Variants in USP37 observed in about 807,000 individuals in gnomAD.
USP37 encodes ubiquitin specific peptidase 37, also known as ubiquitin carboxyl-terminal hydrolase 37.
A neutral mutation model predicts 124.0 loss-of-function variants in USP37; 27 were observed. The ratio of observed to expected loss-of-function variants is 0.22; its 90% CI spans 0.16 to 0.30. The LOEUF is 0.30. USP37 is among the 10% of genes least tolerant of loss of function. The probability of loss-of-function intolerance (pLI) is 1.00; values close to 1 mark genes in which losing one functional copy is unlikely to be tolerated. For synonymous variants in USP37, 365 were observed against 388.0 expected (o/e 0.94, Z 0.70); for missense variants, 889 against 1,140.4 (o/e 0.78, Z 3.17).
At position 218,556,503 on chromosome 2, in the gene USP37, G is replaced by GTTTTTTTTTTTT. The variant is rs34907421; in HGVS notation, c.156+1983_156+1994dup. On this transcript the variant is annotated intron_variant, in intron 4 of 25. Transcript: ENST00000258399. ...GTATTTGGTTACTCTGGGTTTTTCT[G>GTTTTTTTTTTTT]TTTTTTTTTTTTTTTTTTTTTTTTT... is the stretch of plus-strand genomic sequence containing the variant. Among the ~76,000 whole-genome samples, 18 of 53,816 alleles carry GTTTTTTTTTTTT rather than the reference G, an allele frequency of 3.3e-4. 4 individuals carry two copies. Among genetic ancestry groups the GTTTTTTTTTTTT allele is most frequent in the East Asian group, 1.4e-3 (2 of 1,386 alleles). The allele number at this position is 53,816 out of a possible 152,430, so 35.3% of individuals were successfully genotyped here.
At chr2:218,455,168 TTTGA>T in intron 25 of USP37, 151 bp from the exon 26 acceptor site, 3 of 959,274 alleles carry the variant, frequency 3.1e-6, no homozygotes. Context: ...AGCTCACTCA[TTTGA>T]TCTTAACCCT....
chr2:218,451,231 T>A lies in USP37; in HGVS notation c.*3699A>T, dbSNP rs1689469339. On this transcript the variant is annotated 3_prime_UTR_variant, in exon 26 of 26. Coordinates refer to ENST00000258399, the MANE Select transcript of USP37 (RefSeq NM_020935.3). ...AAGCAAAATGGGGAGGAAAAAGACA[T>A]CCATCCATTTTATTGGAACACTTTT... 1 of 152,156 alleles carries A rather than the reference T, an allele frequency of 6.6e-6. No homozygotes were observed. The highest frequency in any genetic ancestry group is 2.1e-4 in the South Asian group (1 of 4,830). 9.4% of individuals were successfully genotyped at this position (152,156 alleles called of 1,614,324 possible).
intron 10 of USP37, among the ~76,000 whole-genome samples, chr2:218,529,343 A>C (rs1691172771): frequency 6.6e-6 from 1 of 152,174 alleles, no homozygotes. Context: ...CTGTCTCTAC[A>C]AAAATTAGCG....
intron 20 of USP37, among the ~76,000 whole-genome samples, chr2:218,467,709 C>G (rs992724472): frequency 6.6e-6 from 1 of 152,092 alleles, no homozygotes; most frequent in Non-Finnish European, 1.5e-5. Context: ...GTCTTGAACT[C>G]CTGACCTCAG....
intron 1 of USP37, among the ~76,000 whole-genome samples, chr2:218,563,707 G>A (rs943847503): frequency 6.6e-6 from 1 of 152,036 alleles, no homozygotes; most frequent in African/African-American, 2.4e-5. Context: ...CACTTTCAAG[G>A]CACCCTGGTA....
chr2:218,534,642 T>G lies in USP37; in HGVS notation c.745A>C (p.Ser249Arg), dbSNP rs376971451. Residue 249 changes from serine to arginine, a missense_variant, in exon 9 of 26, where the codon AGT (serine) becomes CGT (arginine). Physicochemically the swap from Ser to Arg is moderately radical, Grantham distance 110. Transcript: ENST00000258399. ...YLTSSREKQL[S>R]LKQSEENRTS... ...CTATTCTCTTCTGACTGTTTCAAAC[T>G]CAGCTGCTTTTCTCTACTGCTGGTT... 7.5e-6 allele frequency: 12 copies of G among 1,610,660 alleles called. No individual in the cohort carries two copies. The highest frequency in any genetic ancestry group is 2.7e-5 in the African/African-American group (2 of 74,996).
chr2:218,479,153 A>G (rs1691120183), intron 18 of USP37, among the ~76,000 whole-genome samples: 1 of 152,226 alleles, frequency 6.6e-6, no homozygotes, highest in Non-Finnish European at 1.5e-5. Flanking sequence ...CTTAAACAAA[A>G]AAATAGGGCA....
intron 22 of USP37, among the ~76,000 whole-genome samples, chr2:218,462,863 AC>A (rs1350306787): frequency 1.3e-5 from 2 of 152,062 alleles, no homozygotes; most frequent in African/African-American, 4.8e-5. Context: ...CTATTTCTTT[AC>A]CTGGGAGGTA....
At position 218,509,869 on chromosome 2, in the gene USP37, CT is replaced by C. The variant is rs1338629701; in HGVS notation, c.1025+109del. On this transcript the variant is annotated intron_variant, in intron 11 of 25. Transcript: ENST00000258399. The stretch of plus-strand genomic sequence containing the variant: ...AAATCTTTAATAAGTGATCTAATTT[CT>C]AAATATTTTAGAACTTTAATGTGAC... 4.7e-6 allele frequency: 5 copies of C among 1,065,428 alleles called. No individual in the cohort carries two copies. The East Asian group carries it at 1.4e-4, about 31-fold the overall frequency. The allele number at this position is 1,065,428 out of a possible 1,614,324, so 66.0% of individuals were successfully genotyped here.
intron 4 of USP37, among the ~76,000 whole-genome samples, chr2:218,554,746 C>A (rs1473879275): frequency 3.7e-3 from 454 of 121,506 alleles, no homozygotes; most frequent in Middle Eastern, 0.012. Context: ...AACTTTGTCT[C>A]AAAAAAAAAA....
chr2:218,481,926 T>C, intron 17 of USP37, 144 bp downstream of exon 17: 1 of 971,622 alleles, frequency 1.0e-6, no homozygotes, highest in African/African-American at 1.7e-5. Context: ...AGTGCTGGGA[T>C]TACAGGCATG....
intron 24 of USP37, among the ~76,000 whole-genome samples, chr2:218,456,268 G>A (rs1438875391): frequency 6.6e-6 from 1 of 151,974 alleles, no homozygotes; most frequent in African/African-American, 2.4e-5. Context: ...GGGCAACAAA[G>A]CAAGAACCCG....
intron 10 of USP37, among the ~76,000 whole-genome samples, chr2:218,519,868 G>T (rs571947594): frequency 6.6e-6 from 1 of 151,528 alleles, no homozygotes; most frequent in East Asian, 2.0e-4. Flanking sequence ...CTCCCAAAGT[G>T]CTGGGATTAC....
chr2:218,552,823 A>G (rs1692738089), intron 5 of USP37, among the ~76,000 whole-genome samples: 1 of 152,102 alleles, frequency 6.6e-6, no homozygotes, highest in South Asian at 2.1e-4. Flanking sequence ...ACTTTTCCCA[A>G]CTGTAATTTA....
intron 23 of USP37, 103 bp from the exon 24 acceptor site, chr2:218,457,264 T>C (rs1689749067): frequency 1.8e-6 from 2 of 1,113,726 alleles, no homozygotes; most frequent in African/African-American, 1.6e-5. Flanking sequence ...AGCTTTGGTA[T>C]GTGGCATAGT....
rs187980444 is a variant in USP37 at position 218,486,961 on chromosome 2, C to T, written c.1591-1218G>A. 2.2e-4 allele frequency among the ~76,000 whole-genome samples: 33 copies of T among 152,096 alleles called. No homozygotes were observed. The East Asian group carries it at 3.5e-3, about 16-fold the overall frequency. On this transcript the variant is annotated intron_variant, in intron 15 of 25. Coordinates refer to ENST00000258399, the MANE Select transcript of USP37 (RefSeq NM_020935.3). ...CAGGATGGTCTCGATCTCCTGACCT[C>T]GTGATCCTCCCACCTCAGCCTCCCA...
At chr2:218,490,905 GC>G (rs1691901132) in intron 14 of USP37, among the ~76,000 whole-genome samples, 1 of 152,204 alleles carries the variant, frequency 6.6e-6, no homozygotes, top group Admixed American at 6.5e-5. Context: ...ACAGGCTCTT[GC>G]TCTGTTGTCC....
rs755533354 is a variant in USP37 at position 218,510,048 on chromosome 2, T to C, written c.956A>G (p.Asn319Ser). The part of the protein sequence containing the change: ...VPLSVKKLRC[N>S]QDYTGWNKPR... ...TTTATTCCAGCCAGTGTAATCCTGG[T>C]TACACCTCAGTTTTTTAACAGAAAG... Residue 319 changes from asparagine (N) to serine (S), a missense_variant, in exon 11 of 26, where the codon AAC becomes AGC. This residue lies in a region of USP37 where 374 missense variants were observed against 386.0 expected (regional missense o/e 0.97). Coordinates refer to ENST00000258399, the MANE Select transcript of USP37 (RefSeq NM_020935.3). 2 of 1,613,066 alleles carry C rather than the reference T, an allele frequency of 1.2e-6. No individual in the cohort carries two copies. The highest frequency in any genetic ancestry group is 1.7e-4 in the Middle Eastern group (1 of 6,058).
At chr2:218,536,313 T>C (rs1340495647) in intron 8 of USP37, among the ~76,000 whole-genome samples, 2 of 152,160 alleles carry the variant, frequency 1.3e-5, no homozygotes. Flanking sequence ...TGGCAGACAA[T>C]GCCTAAGTGT....
Sources: allele counts gnomAD v4.1 joint callset (sites outside exome capture counted in the v4.1 genomes callset), GRCh38; gene constraint gnomAD v4.1.1; regional missense constraint gnomAD v4.1.1; transcripts MANE v1.5; gene names NCBI Gene and HGNC (gene_info 2026-07-23, HGNC 2026-07-21).